PRPSAP1: variants seen among roughly 807,000 people sequenced by gnomAD.
PRPSAP1 encodes the protein phosphoribosyl pyrophosphate synthase-associated protein 1.
PRPSAP1 carries 31 observed loss-of-function variants against 39.4 expected under a neutral mutation model. The observed-to-expected ratio is 0.79, with a 90% confidence interval of 0.59 to 1.06. The LOEUF (loss-of-function observed/expected upper bound fraction) is 1.06. Ranked by LOEUF, PRPSAP1 falls within the 50% of genes least tolerant of loss-of-function variation. The pLI is 0.00. For missense variants in PRPSAP1, 430 were observed against 511.6 expected, an observed-to-expected ratio of 0.84 and a Z score of 1.54; for synonymous variants, 212 against 192.6, an observed-to-expected ratio of 1.10 and a Z score of -0.83.
chr17:76,335,815 G>A (rs527456251), intron 3 of PRPSAP1, among the ~76,000 whole-genome samples: 1 of 151,940 alleles, frequency 6.6e-6, no homozygotes, highest in African/African-American at 2.4e-5. Context: ...AGCAAGACCT[G>A]GTCTCTAAAA....
At chr17:76,329,561 C>G (rs1434661062) in intron 6 of PRPSAP1, among the ~76,000 whole-genome samples, 1 of 151,806 alleles carries the variant, frequency 6.6e-6, no homozygotes, top group Non-Finnish European at 1.5e-5. Flanking sequence ...ATGGTGAAAC[C>G]CCATCTCTAC....
intron 6 of PRPSAP1, 171 bp from the exon 7 acceptor site, chr17:76,329,033 G>C (rs1407719368): frequency 1.3e-6 from 1 of 763,654 alleles, no homozygotes. Flanking sequence ...TGACTCAAAG[G>C]GCACGTGAGT....
chr17:76,353,335 C>T, intron 1 of PRPSAP1, 199 bp downstream of exon 1: 1 of 558,288 alleles, frequency 1.8e-6, no homozygotes, highest in Non-Finnish European at 3.0e-6. Flanking sequence ...CACCGAGAGT[C>T]CGCCCCAAGC....
chr17:76,331,068 C>T (rs548250208), intron 4 of PRPSAP1, among the ~76,000 whole-genome samples: 1 of 152,138 alleles, frequency 6.6e-6, no homozygotes, highest in East Asian at 1.9e-4. Context: ...AGAACACAAA[C>T]GCAAAGTAAT....
intron 7 of PRPSAP1, among the ~76,000 whole-genome samples, chr17:76,320,142 T>C (rs987417678): frequency 5.3e-5 from 8 of 151,830 alleles, no homozygotes; most frequent in African/African-American, 1.9e-4. Context: ...TGGTGGTGCA[T>C]GCCTGTAATC....
intron 6 of PRPSAP1, among the ~76,000 whole-genome samples, chr17:76,329,149 A>G (rs2071289889): frequency 6.6e-6 from 1 of 151,252 alleles, no homozygotes; most frequent in East Asian, 2.0e-4. Context: ...GGCTCACTGC[A>G]GCCTCAACCT....
intron 3 of PRPSAP1, among the ~76,000 whole-genome samples, chr17:76,342,452 G>T (rs536647618): frequency 1.1e-4 from 16 of 152,146 alleles, no homozygotes; most frequent in Non-Finnish European, 2.4e-4. Context: ...GGTGGTTCAT[G>T]TCTGTAATCC....
chr17:76,347,289 C>T (rs2071516109), intron 2 of PRPSAP1, among the ~76,000 whole-genome samples: 1 of 151,624 alleles, frequency 6.6e-6, no homozygotes, highest in Non-Finnish European at 1.5e-5. Context: ...GAGTTCAAGA[C>T]CAGCCTGACC....
At chr17:76,321,330 G>A (rs888565682) in intron 7 of PRPSAP1, among the ~76,000 whole-genome samples, 2 of 152,024 alleles carry the variant, frequency 1.3e-5, no homozygotes, top group East Asian at 1.9e-4. Flanking sequence ...GCCGAGGCAG[G>A]TGGATCATGA....
chr17:76,347,114 G>A (rs1428373351), intron 2 of PRPSAP1, among the ~76,000 whole-genome samples: 2 of 151,884 alleles, frequency 1.3e-5, no homozygotes, highest in African/African-American at 4.8e-5. Flanking sequence ...GAGCAGCGCA[G>A]AAGGGGGTTT....
chr17:76,336,342 G>A (rs1400835508), intron 3 of PRPSAP1, among the ~76,000 whole-genome samples: 1 of 151,462 alleles, frequency 6.6e-6, no homozygotes, highest in Non-Finnish European at 1.5e-5. Context: ...GGAGGCTGAG[G>A]CAGAAGAATT....
chr17:76,321,444 G>A (rs1400150852), intron 7 of PRPSAP1, among the ~76,000 whole-genome samples: 1 of 152,066 alleles, frequency 6.6e-6, no homozygotes, highest in Non-Finnish European at 1.5e-5. Flanking sequence ...CAGGGGCTGA[G>A]GCAGGAGAAT....
At chr17:76,352,073 A>G (rs1183661387) in intron 1 of PRPSAP1, among the ~76,000 whole-genome samples, 1 of 152,118 alleles carries the variant, frequency 6.6e-6, no homozygotes, top group Admixed American at 6.6e-5. Flanking sequence ...TATTAAAAAA[A>G]AAAACAAGCA....
intron 7 of PRPSAP1, among the ~76,000 whole-genome samples, chr17:76,323,953 G>A (rs1318705482): frequency 2.0e-5 from 3 of 149,708 alleles, no homozygotes; most frequent in African/African-American, 4.9e-5. Flanking sequence ...CGAGACCAGC[G>A]TGGCTGACAT....
In PRPSAP1 at chr17:76,312,878, C is replaced by T. The variant is rs776866780; in HGVS notation, c.991G>A (p.Val331Ile). 7.9e-5 allele frequency: 127 copies of T among 1,612,536 alleles called. No homozygotes were observed. The highest frequency in any genetic ancestry group is 1.6e-4 in the Middle Eastern group (1 of 6,072). Residue 331 changes from valine (V) to isoleucine (I), a missense_variant, in exon 9 of 10, where the codon GTA (valine) becomes ATA (isoleucine). Coordinates refer to ENST00000446526, the MANE Select transcript of PRPSAP1 (RefSeq NM_002766.3). ...EAPRLIEESS[V>I]DEVVVTNTVP... Reference sequence around the variant, plus strand: ...TTTAGAAGCAGCCTGACCTCGTCTACGGAGGACTCCTCAATCAGGCGAGGG... The same window carrying T: ...TTTAGAAGCAGCCTGACCTCGTCTATGGAGGACTCCTCAATCAGGCGAGGG...
At chr17:76,313,787 G>T (rs1169832780) in intron 8 of PRPSAP1, 34 bp downstream of exon 8, 1 of 1,611,340 alleles carries the variant, frequency 6.2e-7, no homozygotes, top group East Asian at 2.2e-5. Flanking sequence ...AGCCAGGAGT[G>T]CCACCTCTGC....
chr17:76,312,702 C>T (rs1219852461), intron 9 of PRPSAP1, 168 bp downstream of exon 9: 2 of 772,678 alleles, frequency 2.6e-6, no homozygotes, highest in Middle Eastern at 3.4e-4. Context: ...CATGGTAAGT[C>T]GTGGACTATC....
chr17:76,347,509 A>G (rs1034180662), intron 2 of PRPSAP1, among the ~76,000 whole-genome samples: 3 of 150,036 alleles, frequency 2.0e-5, no homozygotes, highest in African/African-American at 4.9e-5. Context: ...AAAAAAAAAA[A>G]AAAGAAAGCA....
At chr17:76,333,128 T>A (rs1418107656) in intron 3 of PRPSAP1, among the ~76,000 whole-genome samples, 2 of 151,956 alleles carry the variant, frequency 1.3e-5, no homozygotes, top group African/African-American at 4.8e-5. Flanking sequence ...CCTGACCTTT[T>A]GAGATGAAGT....
Sources: allele counts gnomAD v4.1 joint callset (sites outside exome capture counted in the v4.1 genomes callset), GRCh38; gene constraint gnomAD v4.1.1; transcripts MANE v1.5; gene names NCBI Gene and HGNC (gene_info 2026-07-23, HGNC 2026-07-21).